The following CTNNA3 variants were observed in gnomAD, a reference collection of about 807,000 sequenced individuals.
The protein encoded by CTNNA3 is catenin alpha 3.
CTNNA3 carries 76 observed loss-of-function variants against 95.7 expected under a neutral mutation model. The observed-to-expected ratio is 0.79, with a 90% CI of 0.66 to 0.96. CTNNA3 has a LOEUF of 0.96. Among genes scored for constraint, CTNNA3 ranks in the 40% least tolerant of loss-of-function variants. CTNNA3 has a pLI of 0.00. For synonymous variants in CTNNA3, 431 were observed against 374.4 expected (o/e 1.15, Z -1.74); for missense variants, 1,191 against 1,089.8 (o/e 1.09, Z -1.31).
chr10:66,749,295 A>G (rs1342906619), intron 9 of CTNNA3, among the ~76,000 whole-genome samples: 1 of 151,934 alleles, frequency 6.6e-6, no homozygotes, highest in Non-Finnish European at 1.5e-5. Flanking sequence ...TGACAATAAT[A>G]ACATGTATCC....
intron 11 of CTNNA3, among the ~76,000 whole-genome samples, chr10:66,390,012 T>C (rs2092923652): frequency 6.6e-6 from 1 of 152,202 alleles, no homozygotes; most frequent in African/African-American, 2.4e-5. Context: ...TTGAGATTAC[T>C]GGAGTGAGCC....
chr10:67,331,116 A>T (rs190761547), intron 5 of CTNNA3, among the ~76,000 whole-genome samples: 82 of 152,320 alleles, frequency 5.4e-4, no homozygotes, highest in African/African-American at 1.9e-3. Flanking sequence ...ATTGTTTTTT[A>T]AAAATAAATT....
intron 15 of CTNNA3, among the ~76,000 whole-genome samples, chr10:66,006,226 G>C (rs1332110286): frequency 6.6e-6 from 1 of 151,844 alleles, no homozygotes; most frequent in African/African-American, 2.4e-5. Flanking sequence ...TGTTAGCCAG[G>C]ATAGTCTCGA....
At chr10:67,285,253 G>A (rs917930239) in intron 5 of CTNNA3, among the ~76,000 whole-genome samples, 1 of 152,186 alleles carries the variant, frequency 6.6e-6, no homozygotes, top group Non-Finnish European at 1.5e-5. Flanking sequence ...ATGAAAGGTA[G>A]AGGAGAAAAT....
At chr10:66,722,868 T>C (rs1848672132) in intron 9 of CTNNA3, among the ~76,000 whole-genome samples, 1 of 152,110 alleles carries the variant, frequency 6.6e-6, no homozygotes, top group African/African-American at 2.4e-5. Flanking sequence ...GACAGAGACT[T>C]GGCATGACAG....
At chr10:65,931,510 C>A (rs982128958) in intron 17 of CTNNA3, among the ~76,000 whole-genome samples, 1 of 152,090 alleles carries the variant, frequency 6.6e-6, no homozygotes, top group Admixed American at 6.6e-5. Flanking sequence ...CCTGGAGCAA[C>A]AAGGTTGTTA....
At chr10:67,145,937 A>C (rs1860822620) in intron 7 of CTNNA3, among the ~76,000 whole-genome samples, 1 of 152,158 alleles carries the variant, frequency 6.6e-6, no homozygotes, top group Admixed American at 6.5e-5. Context: ...GAAAAATGCC[A>C]CTTCAGAGAA....
intron 12 of CTNNA3, among the ~76,000 whole-genome samples, chr10:66,332,647 T>A (rs1056338989): frequency 9.9e-5 from 15 of 152,004 alleles, no homozygotes; most frequent in African/African-American, 3.6e-4. Flanking sequence ...TATTGAGAAT[T>A]TTTGCATCGA....
intron 17 of CTNNA3, among the ~76,000 whole-genome samples, chr10:65,922,243 A>G (rs967282100): frequency 4.6e-5 from 7 of 152,204 alleles, no homozygotes; most frequent in African/African-American, 9.6e-5. Context: ...CTAAAATTTT[A>G]AAGTTGACTA....
intron 13 of CTNNA3, among the ~76,000 whole-genome samples, chr10:66,279,434 C>T (rs541058829): frequency 3.3e-5 from 5 of 152,074 alleles, no homozygotes; most frequent in South Asian, 4.1e-4. Context: ...TGCTACCCTG[C>T]CTGAGAATTA....
intron 10 of CTNNA3, among the ~76,000 whole-genome samples, chr10:66,610,096 T>C (rs552550299): frequency 2.0e-5 from 3 of 152,082 alleles, no homozygotes; most frequent in Non-Finnish European, 4.4e-5. Context: ...TGGTGCCTGC[T>C]GAAGAGTAGA....
intron 12 of CTNNA3, among the ~76,000 whole-genome samples, chr10:66,357,634 A>G (rs1447992064): frequency 1.3e-5 from 2 of 152,118 alleles, no homozygotes; most frequent in Non-Finnish European, 2.9e-5. Flanking sequence ...TCTTTCACTC[A>G]GTATAATGTT....
intron 17 of CTNNA3, among the ~76,000 whole-genome samples, chr10:65,950,957 A>G (rs1358490314): frequency 1.3e-5 from 2 of 152,026 alleles, no homozygotes; most frequent in Non-Finnish European, 2.9e-5. Flanking sequence ...ATCTAATTTC[A>G]CAAAACAGAT....
At chr10:67,061,508 T>C (rs957572306) in intron 7 of CTNNA3, among the ~76,000 whole-genome samples, 5 of 152,190 alleles carry the variant, frequency 3.3e-5, no homozygotes, top group African/African-American at 1.2e-4. Flanking sequence ...GTTCTGCATC[T>C]TTAGCTGGAG....
At chr10:67,133,371 A>ATATATG (rs1860132161) in intron 7 of CTNNA3, among the ~76,000 whole-genome samples, 1 of 140,452 alleles carries the variant, frequency 7.1e-6, no homozygotes, top group African/African-American at 2.7e-5. Context: ...ACATACATAT[A>ATATATG]TATATATACA....
intron 9 of CTNNA3, among the ~76,000 whole-genome samples, chr10:66,669,137 CT>C (rs1344088136): frequency 6.6e-6 from 1 of 152,062 alleles, no homozygotes; most frequent in Non-Finnish European, 1.5e-5. Context: ...TTACAATATG[CT>C]GTATGCTTGG....
intron 5 of CTNNA3, among the ~76,000 whole-genome samples, chr10:67,416,469 G>A (rs1033171381): frequency 5.9e-5 from 9 of 151,744 alleles, no homozygotes; most frequent in South Asian, 2.1e-4. Context: ...TTAGCCGGGC[G>A]TGGTGGCGGG....
intron 11 of CTNNA3, among the ~76,000 whole-genome samples, chr10:66,494,300 G>A (rs1408717022): frequency 6.6e-6 from 1 of 152,164 alleles, no homozygotes; most frequent in Non-Finnish European, 1.5e-5. Context: ...TAAAAATCCA[G>A]AAAAGAAAAC....
rs918777234 is a variant in CTNNA3 at position 66,447,164 on chromosome 10, T to G, written c.1532-67812A>C. On this transcript the variant is annotated intron_variant, in intron 11 of 17. Transcript: ENST00000433211. ...AGGAGAACTACAAACCACTGCTCAA[T>G]GAAATAAAAGAGGATACAAACAAAT... Among the ~76,000 whole-genome samples the G allele has an allele frequency of 7.2e-5, 11 of 151,824 alleles. 1 individual carries two copies. In the East Asian group the frequency reaches 7.8e-4, roughly 11 times the overall value.
Sources: gnomAD v4.1 joint callset for allele counts (sites outside exome capture counted in the v4.1 genomes callset) on GRCh38, gnomAD v4.1.1 for gene constraint, MANE v1.5 for transcripts, NCBI Gene and HGNC (gene_info 2026-07-23, HGNC 2026-07-21) for gene names.